The following SS18 variants were observed in gnomAD, a reference collection of about 807,000 sequenced individuals.
SS18 encodes the protein protein SSXT.
Under a neutral mutation model 72.5 loss-of-function variants are expected in SS18, and 28 were observed. That is an observed-to-expected ratio of 0.39 (90% CI 0.29 to 0.53). The LOEUF is 0.53. Among genes scored for constraint, SS18 ranks in the 20% least tolerant of loss-of-function variants. SS18 has a pLI of 0.76. For missense variants in SS18, 518 were observed against 535.3 expected (o/e 0.97, Z 0.32); for synonymous variants, 172 against 164.2 (o/e 1.05, Z -0.37).
chr18:26,065,633 A>G (rs1205358269), intron 3 of SS18, among the ~76,000 whole-genome samples: 1 of 151,562 alleles, frequency 6.6e-6, no homozygotes, highest in Non-Finnish European at 1.5e-5. Flanking sequence ...CAGGATACAG[A>G]ATTATCCCTT....
At chr18:26,054,677 T>TA (rs912362684) in intron 4 of SS18, among the ~76,000 whole-genome samples, 77 of 149,566 alleles carry the variant, frequency 5.1e-4, no homozygotes, top group African/African-American at 1.6e-3. Context: ...ATTTGTACTT[T>TA]AAAAAAAAAG....
intron 10 of SS18, among the ~76,000 whole-genome samples, chr18:26,019,766 T>C (rs1000967553): frequency 7.5e-6 from 1 of 132,584 alleles, no homozygotes; most frequent in Admixed American, 8.6e-5. Context: ...CACTCTAGCT[T>C]GAGCAACAGA....
intron 10 of SS18, among the ~76,000 whole-genome samples, chr18:26,031,270 G>C (rs1302770343): frequency 6.6e-6 from 1 of 151,980 alleles, no homozygotes; most frequent in Non-Finnish European, 1.5e-5. Flanking sequence ...TATGCTTTTT[G>C]TATCTCCTTT....
intron 10 of SS18, among the ~76,000 whole-genome samples, chr18:26,031,422 T>TA (rs1264231078): frequency 6.6e-6 from 1 of 152,218 alleles, no homozygotes; most frequent in African/African-American, 2.4e-5. Flanking sequence ...CCTGAAAGCC[T>TA]AAACTGCATA....
At chr18:26,067,719 G>A (rs2054244603) in intron 3 of SS18, among the ~76,000 whole-genome samples, 1 of 152,126 alleles carries the variant, frequency 6.6e-6, no homozygotes, top group Non-Finnish European at 1.5e-5. Context: ...TGCGCAGCCA[G>A]AGAGAGAAAA....
intron 4 of SS18, 111 bp downstream of exon 4, chr18:26,057,478 G>T: frequency 8.0e-7 from 1 of 1,242,848 alleles, no homozygotes; most frequent in Non-Finnish European, 1.2e-6. Flanking sequence ...GCTTGTACTC[G>T]GGGGCATTCA....
At chr18:26,090,880 T>G, upstream of SS18, 2 of 394,470 alleles carry the variant, frequency 5.1e-6, no homozygotes, top group Non-Finnish European at 9.1e-6. Flanking sequence ...TAGTCCTCCC[T>G]CCGCTTCAGC....
In SS18 at chr18:26,039,454, G is replaced by C. The variant is rs2053686728; in HGVS notation, c.610C>G (p.Pro204Ala). ...PNMSMQPNQG[P>A]MMHQQPPSQQ... is the part of the protein sequence containing the mutation. The stretch of plus-strand genomic sequence containing the variant: ...GAAGGAGGCTGCTGATGCATCATTG[G>C]ACCTGAAACAAGACACAACATTATA... The change falls in exon 6 of 11, where the codon CCA becomes GCA. Residue 204 changes from proline (P) to alanine (A), a missense_variant and splice_region_variant. Physicochemically the swap from Pro to Ala is conservative, Grantham distance 27. Transcript: ENST00000415083. The C allele has an allele frequency of 2.5e-6, 4 of 1,612,170 alleles. No individual in the cohort carries two copies. Among genetic ancestry groups the C allele is most frequent in the Non-Finnish European group, 2.5e-6 (3 of 1,178,852 alleles).
intron 2 of SS18, among the ~76,000 whole-genome samples, chr18:26,080,636 C>A (rs2054500722): frequency 6.6e-6 from 1 of 152,178 alleles, no homozygotes; most frequent in Admixed American, 6.5e-5. Flanking sequence ...AACCTTCTCT[C>A]AACTGTCAAA....
At chr18:26,042,191 A>C (rs1184195105) in intron 5 of SS18, among the ~76,000 whole-genome samples, 1 of 152,224 alleles carries the variant, frequency 6.6e-6, no homozygotes, top group East Asian at 1.9e-4. Context: ...AAGCAAACTC[A>C]AAAGGTTACC....
chr18:26,042,593 C>A (rs1227054186), intron 5 of SS18, among the ~76,000 whole-genome samples: 1 of 151,084 alleles, frequency 6.6e-6, no homozygotes. Flanking sequence ...ATTCTTTTCT[C>A]CAATGAGATG....
At chr18:26,020,079 G>T (rs1283699512) in intron 10 of SS18, among the ~76,000 whole-genome samples, 1 of 152,090 alleles carries the variant, frequency 6.6e-6, no homozygotes, top group African/African-American at 2.4e-5. Context: ...ATAATAAAAG[G>T]TTTAAAATAA....
chr18:26,090,130 C>G, intron 1 of SS18: 1 of 226,364 alleles, frequency 4.4e-6, no homozygotes, highest in Non-Finnish European at 8.5e-6. Flanking sequence ...GGGGCGACGC[C>G]AAAGTAACTC....
At chr18:26,075,951 C>A (rs757757395) in intron 3 of SS18, among the ~76,000 whole-genome samples, 3 of 151,816 alleles carry the variant, frequency 2.0e-5, no homozygotes, top group Non-Finnish European at 3.0e-5. Context: ...GACAAAGATT[C>A]GATTTAAAAT....
chr18:26,056,667 A>C lies in SS18; in HGVS notation c.385+922T>G, dbSNP rs115203978. 6.1e-3 allele frequency among the ~76,000 whole-genome samples: 926 copies of C among 152,352 alleles called. 9 individuals are homozygous for C. Among genetic ancestry groups the C allele is most frequent in the African/African-American group, 0.022 (905 of 41,584 alleles). Reference sequence around the variant, plus strand: ...AACACAATCGGCTACAGAAAACAGTATCCTAAAGATGCCAATTACTAATTT... The same window carrying C: ...AACACAATCGGCTACAGAAAACAGTCTCCTAAAGATGCCAATTACTAATTT... On this transcript the variant is annotated intron_variant, in intron 4 of 10. Transcript: ENST00000415083.
chr18:26,070,779 C>T (rs926016695), intron 3 of SS18, among the ~76,000 whole-genome samples: 1 of 152,016 alleles, frequency 6.6e-6, no homozygotes, highest in Non-Finnish European at 1.5e-5. Flanking sequence ...TTTCTAATTC[C>T]CACCCCATTC....
intron 3 of SS18, among the ~76,000 whole-genome samples, chr18:26,059,643 G>A (rs1046323838): frequency 3.3e-5 from 5 of 152,156 alleles, no homozygotes; most frequent in South Asian, 2.1e-4. Context: ...GAGTAAGGTC[G>A]AAATTGAAAT....
At chr18:26,090,250 G>C (rs1225701659) in intron 1 of SS18, 2 of 529,672 alleles carry the variant, frequency 3.8e-6, no homozygotes, top group Non-Finnish European at 6.6e-6. Flanking sequence ...GAGAAATCAG[G>C]CGGCGGCTGT....
intron 10 of SS18, among the ~76,000 whole-genome samples, chr18:26,026,482 A>G (rs986726190): frequency 6.6e-6 from 1 of 152,204 alleles, no homozygotes; most frequent in African/African-American, 2.4e-5. Context: ...AACTAGAAAT[A>G]TAACACCTGA....
Sources: gnomAD v4.1 joint callset for allele counts (sites outside exome capture counted in the v4.1 genomes callset) on GRCh38, gnomAD v4.1.1 for gene constraint, MANE v1.5 for transcripts, NCBI Gene and HGNC (gene_info 2026-07-23, HGNC 2026-07-21) for gene names.